GATAD2B: variants seen among roughly 807,000 people sequenced by gnomAD.
GATAD2B encodes GATA zinc finger domain containing 2B.
In GATAD2B, 8 loss-of-function variants were observed where a neutral mutation model predicts 64.3. The ratio of observed to expected loss-of-function variants is 0.12; its 90% confidence interval spans 0.07 to 0.22. GATAD2B has a LOEUF of 0.22. GATAD2B is among the 10% of genes least tolerant of loss of function. The pLI is 1.00. For synonymous variants in GATAD2B, 281 were observed against 271.3 expected, an observed-to-expected ratio of 1.04 and a Z score of -0.35; for missense variants, 453 against 752.0, an observed-to-expected ratio of 0.60 and a Z score of 4.65.
At chr1:153,815,924 G>A (rs114324927) in intron 7 of GATAD2B, among the ~76,000 whole-genome samples, 7,575 of 152,222 alleles carry the variant, frequency 0.05, 353 homozygotes, top group South Asian at 0.17. Context: ...GTGGTGCCAC[G>A]TGCCTGTAGT....
At chr1:153,863,771 G>A (rs1195029016) in intron 1 of GATAD2B, among the ~76,000 whole-genome samples, 3 of 151,748 alleles carry the variant, frequency 2.0e-5, no homozygotes, top group Admixed American at 6.6e-5. Flanking sequence ...CTACAGGCAC[G>A]TGCCACAATG....
At chr1:153,859,295 G>C (rs1260904582) in intron 1 of GATAD2B, among the ~76,000 whole-genome samples, 1 of 151,696 alleles carries the variant, frequency 6.6e-6, no homozygotes, top group African/African-American at 2.4e-5. Flanking sequence ...TGAGCCTGGG[G>C]GATCTAGTCT....
chr1:153,876,026 A>AGT (rs1179297043), intron 1 of GATAD2B, among the ~76,000 whole-genome samples: 3 of 151,888 alleles, frequency 2.0e-5, no homozygotes, highest in Non-Finnish European at 2.9e-5. Context: ...CAGGAGTTCC[A>AGT]GATCAGCGTG....
chr1:153,819,829 T>C, intron 2 of GATAD2B, 94 bp from the exon 3 acceptor site: 1 of 1,110,582 alleles, frequency 9.0e-7, no homozygotes, highest in African/African-American at 1.6e-5. Context: ...CCGGGTGCGG[T>C]GGCTCACTCC....
chr1:153,828,838 G>A (rs1674979275), intron 1 of GATAD2B, among the ~76,000 whole-genome samples: 1 of 152,068 alleles, frequency 6.6e-6, no homozygotes, highest in Admixed American at 6.6e-5. Context: ...CTTTACTCAT[G>A]AAGAAAAAGT....
At chr1:153,845,338 G>A (rs1675644598) in intron 1 of GATAD2B, among the ~76,000 whole-genome samples, 1 of 150,316 alleles carries the variant, frequency 6.7e-6, no homozygotes, top group Admixed American at 6.6e-5. Context: ...GCCTGATCAA[G>A]CCACTGAACT....
intron 1 of GATAD2B, among the ~76,000 whole-genome samples, chr1:153,846,056 T>C (rs951698342): frequency 6.6e-6 from 1 of 152,096 alleles, no homozygotes. Context: ...ACAACATTTT[T>C]TTCGTTGTTA....
At chr1:153,839,328 G>GAGAGGCAGAC (rs1291673227) in intron 1 of GATAD2B, among the ~76,000 whole-genome samples, 2 of 152,004 alleles carry the variant, frequency 1.3e-5, no homozygotes, top group African/African-American at 4.8e-5. Context: ...AGAGGATCCT[G>GAGAGGCAGAC]AGAGGCAGAC....
intron 1 of GATAD2B, among the ~76,000 whole-genome samples, chr1:153,906,903 T>A (rs1424258410): frequency 6.6e-6 from 1 of 152,090 alleles, no homozygotes; most frequent in African/African-American, 2.4e-5. Flanking sequence ...ATGATCAACA[T>A]CACTAATCTT....
At chr1:153,810,364 C>G (rs1674252263) in intron 10 of GATAD2B, 54 bp from the exon 11 acceptor site, 1 of 1,561,002 alleles carries the variant, frequency 6.4e-7, no homozygotes, top group African/African-American at 1.4e-5. Flanking sequence ...AAATAACATT[C>G]CCTTCCACTC....
At position 153,810,259 on chromosome 1, in the gene GATAD2B, C is replaced by A. The variant is rs1403992591; in HGVS notation, c.1700G>T (p.Ser567Ile). ...NTGIGGHKGP[S>I]LADRQREYLL... ...GTATTCACGCTGTCGGTCTGCCAAA[C>A]TGGGGCCTTTGTGTCCTCCGATGCC... Residue 567 changes from serine (S) to isoleucine (I), a missense_variant, in exon 11 of 11, where the codon AGT becomes ATT. Physicochemically the swap from Ser to Ile is moderately radical, Grantham distance 142. Coordinates refer to ENST00000368655, the MANE Select transcript of GATAD2B (RefSeq NM_020699.4). 6 of 1,613,252 alleles carry A rather than the reference C, an allele frequency of 3.7e-6. No homozygotes were observed. Among genetic ancestry groups the A allele is most frequent in the Non-Finnish European group, 5.1e-6 (6 of 1,179,776 alleles).
At chr1:153,905,893 C>G (rs1441276354) in intron 1 of GATAD2B, among the ~76,000 whole-genome samples, 1 of 151,618 alleles carries the variant, frequency 6.6e-6, no homozygotes, top group African/African-American at 2.4e-5. Flanking sequence ...ATGGTGAAAC[C>G]CTACCTCTAC....
intron 1 of GATAD2B, among the ~76,000 whole-genome samples, chr1:153,869,145 A>G (rs1227322657): frequency 6.6e-6 from 1 of 152,120 alleles, no homozygotes; most frequent in Admixed American, 6.6e-5. Context: ...TACAAAAGTT[A>G]GCCAGGCATG....
rs558776522 is a variant in GATAD2B at position 153,918,097 on chromosome 1, G to A, written c.-2+4636C>T. Among the ~76,000 whole-genome samples the A allele has an allele frequency of 5.9e-5, 9 of 152,316 alleles. No individual in the cohort carries two copies. In the South Asian group the frequency reaches 1.9e-3, roughly 32 times the overall value. ...TGACTGATCAGCATTCAAGGAGCAA[G>A]TCAGTGTGGCTGGAATGGAGAGAGC... On this transcript the variant is annotated intron_variant, in intron 1 of 10. Coordinates refer to ENST00000368655, the MANE Select transcript of GATAD2B (RefSeq NM_020699.4).
intron 1 of GATAD2B, among the ~76,000 whole-genome samples, chr1:153,846,794 C>T (rs1002437743): frequency 4.6e-5 from 7 of 151,734 alleles, no homozygotes; most frequent in Non-Finnish European, 7.4e-5. Flanking sequence ...CTTCTGACCT[C>T]GTGATCCACC....
intron 1 of GATAD2B, among the ~76,000 whole-genome samples, chr1:153,860,330 A>G (rs1358786161): frequency 1.3e-5 from 2 of 151,804 alleles, no homozygotes; most frequent in Non-Finnish European, 2.9e-5. Flanking sequence ...TAGTTAAACT[A>G]TTTTCTTTCC....
intron 1 of GATAD2B, 107 bp from the exon 2 acceptor site, chr1:153,828,455 T>TACACACACACACAC (rs71093290): frequency 3.4e-6 from 2 of 583,434 alleles, no homozygotes; most frequent in East Asian, 2.9e-5. Flanking sequence ...CTCTCACACA[T>TACACACACACACAC]ACACACACAC....
intron 1 of GATAD2B, among the ~76,000 whole-genome samples, chr1:153,857,317 G>A (rs1286770207): frequency 2.0e-5 from 3 of 151,860 alleles, no homozygotes; most frequent in East Asian, 1.9e-4. Flanking sequence ...GTGGTGGTGC[G>A]CACTTGGAGT....
chr1:153,903,565 AG>A (rs1677841395), intron 1 of GATAD2B, among the ~76,000 whole-genome samples: 2 of 152,348 alleles, frequency 1.3e-5, no homozygotes, highest in South Asian at 4.1e-4. Flanking sequence ...ACAAAATAAT[AG>A]CGATGAAAAT....
Sources: gnomAD v4.1 joint callset for allele counts (sites outside exome capture counted in the v4.1 genomes callset) on GRCh38, gnomAD v4.1.1 for gene constraint, MANE v1.5 for transcripts, NCBI Gene and HGNC (gene_info 2026-07-23, HGNC 2026-07-21) for gene names.